The following JADE1 variants were observed in gnomAD, a reference collection of about 807,000 sequenced individuals.
JADE1 encodes protein Jade-1.
In JADE1, 14 loss-of-function variants were observed where a neutral mutation model predicts 81.8. The ratio of observed to expected loss-of-function variants is 0.17; its 90% CI spans 0.11 to 0.27. The LOEUF (loss-of-function observed/expected upper bound fraction) is 0.27. JADE1 is among the 10% of genes least tolerant of loss of function. The pLI, the probability that JADE1 is intolerant of heterozygous loss-of-function variation, is 1.00. For synonymous variants in JADE1, 353 were observed against 391.9 expected (o/e 0.90, Z 1.17); for missense variants, 690 against 1,047.9 (o/e 0.66, Z 4.71).
intron 1 of JADE1, among the ~76,000 whole-genome samples, chr4:128,824,980 T>A (rs1727913958): frequency 6.6e-6 from 1 of 152,166 alleles, no homozygotes; most frequent in African/African-American, 2.4e-5. Flanking sequence ...CTCAAATCAG[T>A]CCTTGTTTCC....
chr4:128,853,427 G>A (rs569762063), intron 6 of JADE1, among the ~76,000 whole-genome samples: 2 of 152,288 alleles, frequency 1.3e-5, no homozygotes, highest in Admixed American at 6.5e-5. Context: ...TCCTGAAGAC[G>A]ATTTCCTGTC....
At chr4:128,817,432 G>A (rs1324379983) in intron 1 of JADE1, among the ~76,000 whole-genome samples, 4 of 152,086 alleles carry the variant, frequency 2.6e-5, no homozygotes, top group East Asian at 3.9e-4. Flanking sequence ...GAGTTTATAA[G>A]GACTTACTTT....
intron 8 of JADE1, 88 bp from the exon 9 acceptor site, chr4:128,861,616 G>T (rs949807103): frequency 1.4e-6 from 2 of 1,415,078 alleles, no homozygotes; most frequent in East Asian, 4.6e-5. Flanking sequence ...CTCTGTGCAT[G>T]TGTACATGGG....
At chr4:128,818,408 A>C (rs1159869517) in intron 1 of JADE1, among the ~76,000 whole-genome samples, 1 of 152,174 alleles carries the variant, frequency 6.6e-6, no homozygotes, top group Non-Finnish European at 1.5e-5. Flanking sequence ...AACGTGAGCC[A>C]CCATGGCCGG....
At chr4:128,848,552 C>A (rs1730073636) in intron 4 of JADE1, among the ~76,000 whole-genome samples, 1 of 152,174 alleles carries the variant, frequency 6.6e-6, no homozygotes, top group South Asian at 2.1e-4. Flanking sequence ...GTTTCTCCCT[C>A]TGGTTCTCAG....
At chr4:128,824,772 T>G (rs2125811752) in intron 1 of JADE1, among the ~76,000 whole-genome samples, 1 of 152,304 alleles carries the variant, frequency 6.6e-6, no homozygotes, top group Non-Finnish European at 1.5e-5. Context: ...CTAGAACTTC[T>G]TGAGTGAAAT....
chr4:128,815,498 A>G (rs964615416), intron 1 of JADE1, among the ~76,000 whole-genome samples: 1 of 152,180 alleles, frequency 6.6e-6, no homozygotes, highest in African/African-American at 2.4e-5. Context: ...TCCAAATGGT[A>G]TTTATTGTAA....
At chr4:128,858,991 CAG>C (rs1431060113) in intron 8 of JADE1, among the ~76,000 whole-genome samples, 2 of 152,094 alleles carry the variant, frequency 1.3e-5, no homozygotes, top group African/African-American at 2.4e-5. Context: ...CAAAATATAA[CAG>C]AAATATTTGG....
intron 8 of JADE1, among the ~76,000 whole-genome samples, chr4:128,858,702 A>G (rs1352419246): frequency 1.3e-5 from 2 of 150,812 alleles, no homozygotes; most frequent in Non-Finnish European, 2.9e-5. Context: ...TCCCGGGTTC[A>G]GGCGATTCTC....
At chr4:128,826,249 C>T (rs1728051553) in intron 1 of JADE1, among the ~76,000 whole-genome samples, 6 of 152,326 alleles carry the variant, frequency 3.9e-5, no homozygotes, top group Middle Eastern at 3.4e-3. Flanking sequence ...ATTGTAGCCA[C>T]GCTGAGAGGC....
At chr4:128,812,277 G>A (rs1257776234) in intron 1 of JADE1, among the ~76,000 whole-genome samples, 4 of 152,040 alleles carry the variant, frequency 2.6e-5, no homozygotes, top group African/African-American at 7.2e-5. Context: ...CTCCTCCCGC[G>A]CTGTTGTTTC....
rs879540820 is a variant in JADE1 at position 128,874,412 on chromosome 4, T to C, written c.*2150T>C. The C allele has an allele frequency of 2.0e-5, 3 of 152,486 alleles. No homozygotes were observed. The highest frequency in any genetic ancestry group is 4.4e-5 in the Non-Finnish European group (3 of 68,002). 9.4% of individuals were successfully genotyped at this position (152,486 alleles called of 1,614,324 possible). On this transcript the variant is annotated 3_prime_UTR_variant, in exon 11 of 11. Transcript: ENST00000226319. ...CTAGTTTTGTGCAAAAATAATGCCT[T>C]ACCTGTTTTTTCCCCACATTTAGGT...
intron 8 of JADE1, among the ~76,000 whole-genome samples, chr4:128,858,705 C>G (rs187607590): frequency 6.6e-6 from 1 of 151,408 alleles, no homozygotes; most frequent in African/African-American, 2.4e-5. Flanking sequence ...CGGGTTCAGG[C>G]GATTCTCCTG....
intron 5 of JADE1, among the ~76,000 whole-genome samples, chr4:128,851,062 C>T (rs1730309773): frequency 6.6e-6 from 1 of 152,150 alleles, no homozygotes; most frequent in African/African-American, 2.4e-5. Context: ...TCCCAAGTAG[C>T]TGGGATTATT....
chr4:128,845,860 G>A (rs770548626), intron 3 of JADE1, among the ~76,000 whole-genome samples: 3 of 151,786 alleles, frequency 2.0e-5, no homozygotes, highest in Non-Finnish European at 4.4e-5. Context: ...GGAGGCAGAG[G>A]TTGCAGGGAG....
rs1338476029 is a variant in JADE1 at position 128,870,869 on chromosome 4, A to G, written c.1622-486A>G. Among the ~76,000 whole-genome samples, 6 of 152,194 alleles carry G rather than the reference A, an allele frequency of 3.9e-5. No individual in the cohort carries two copies. The East Asian group carries it at 1.2e-3, about 29-fold the overall frequency. Reference sequence around the variant, plus strand: ...CATGTTTACATGTACTTGTCCTCGTAATAGCCCTGTGAGGGTACAGACACA... The same window carrying G: ...CATGTTTACATGTACTTGTCCTCGTGATAGCCCTGTGAGGGTACAGACACA... On this transcript the variant is annotated intron_variant, in intron 10 of 10. Coordinates refer to ENST00000226319, the MANE Select transcript of JADE1 (RefSeq NM_199320.4).
intron 1 of JADE1, among the ~76,000 whole-genome samples, chr4:128,828,172 T>G (rs1728230969): frequency 6.6e-6 from 1 of 152,178 alleles, no homozygotes; most frequent in Admixed American, 6.5e-5. Context: ...TATTCAAATG[T>G]TTGTCGGCTG....
At chr4:128,841,269 TGAA>T (rs1729411627) in intron 2 of JADE1, among the ~76,000 whole-genome samples, 1 of 151,980 alleles carries the variant, frequency 6.6e-6, no homozygotes, top group Non-Finnish European at 1.5e-5. Context: ...GAGGTGGAGG[TGAA>T]TTATCAGAAA....
At chr4:128,820,451 T>A (rs1290474531) in intron 1 of JADE1, among the ~76,000 whole-genome samples, 1 of 152,170 alleles carries the variant, frequency 6.6e-6, no homozygotes, top group African/African-American at 2.4e-5. Flanking sequence ...ATCTGTGTTG[T>A]GAGACTTGTA....
Sources: allele counts gnomAD v4.1 joint callset (sites outside exome capture counted in the v4.1 genomes callset), GRCh38; gene constraint gnomAD v4.1.1; transcripts MANE v1.5; gene names NCBI Gene and HGNC (gene_info 2026-07-23, HGNC 2026-07-21).